Variants in CDAN1 observed in about 807,000 individuals in gnomAD.
The protein encoded by CDAN1 is codanin 1.
Under a neutral mutation model 139.8 loss-of-function variants are expected in CDAN1, and 107 were observed. The ratio of observed to expected loss-of-function variants is 0.77; its 90% CI spans 0.65 to 0.90. CDAN1 has a LOEUF of 0.90. Ranked by LOEUF, CDAN1 falls within the 40% of genes least tolerant of loss-of-function variation. The pLI is 0.00. For missense variants in CDAN1, 1,667 were observed against 1,575.7 expected, an observed-to-expected ratio of 1.06 and a Z score of -0.98; for synonymous variants, 776 against 660.6, an observed-to-expected ratio of 1.17 and a Z score of -2.68.
At chr15:42,735,439 G>C in intron 4 of CDAN1, 65 bp from the exon 5 acceptor site, 1 of 1,599,506 alleles carries the variant, frequency 6.3e-7, no homozygotes, top group East Asian at 2.3e-5. Context: ...TCAGTTCCAA[G>C]TGCCTTACCA....
chr15:42,731,207 G>A lies in CDAN1; in HGVS notation c.1860+4C>T, dbSNP rs200858118. The stretch of plus-strand genomic sequence containing the variant: ...CCATTATTTCCCTTGTTCTGTTTTC[G>A]GACCTGCCAGTCTACGTCTGACTCC... On this transcript the variant is annotated splice_donor_region_variant and intron_variant, in intron 12 of 27. Transcript: ENST00000356231. The A allele has an allele frequency of 1.9e-4, 314 of 1,613,990 alleles. No homozygotes were observed. The highest frequency in any genetic ancestry group is 4.1e-4 in the South Asian group (37 of 91,088).
At chr15:42,736,814 G>T in intron 1 of CDAN1, 34 bp from the exon 2 acceptor site, 1 of 1,490,364 alleles carries the variant, frequency 6.7e-7, no homozygotes. Flanking sequence ...GGGCGAGAGG[G>T]TCAGCCGCCG....
Position 42,727,879 on chromosome 15 carries a change from C to T in CDAN1, c.2947+76G>A, listed in dbSNP as rs1420338065. 4 of 1,599,526 alleles carry T rather than the reference C, an allele frequency of 2.5e-6. No homozygotes were observed. The East Asian group carries it at 6.7e-5, about 27-fold the overall frequency. On this transcript the variant is annotated intron_variant, in intron 22 of 27. Transcript: ENST00000356231. ...CCTACTGGCTCTCAGTCCCATCGCC[C>T]ACAAGATGCCTCTGACTCTCTGCCA...
chr15:42,730,881 G>C, intron 13 of CDAN1, 44 bp downstream of exon 13: 2 of 1,613,880 alleles, frequency 1.2e-6, no homozygotes, highest in South Asian at 2.2e-5. Flanking sequence ...GTGCCTGGCC[G>C]GTCCTCCCTG....
intron 23 of CDAN1, chr15:42,727,123 AAG>A (rs1409944167): frequency 6.4e-6 from 1 of 155,396 alleles, no homozygotes; most frequent in Non-Finnish European, 1.4e-5. Flanking sequence ...CTCACAAAAC[AAG>A]GGGCTGGCTC....
Position 42,724,581 on chromosome 15 carries a change from CAGATT to C in CDAN1, c.3589_3593del (p.Asn1197ValfsTer16). The C allele has an allele frequency of 6.4e-7, 1 of 1,552,456 alleles. No individual in the cohort carries two copies. The highest frequency in any genetic ancestry group is 2.0e-5 in the Admixed American group (1 of 51,074). On this transcript the variant is annotated frameshift_variant, in exon 28 of 28. Coordinates refer to ENST00000356231, the MANE Select transcript of CDAN1 (RefSeq NM_138477.4). LOFTEE classifies it high-confidence loss of function. The stretch of plus-strand genomic sequence containing the variant: ...CTGGCAGGTGGGGCTCGGCTAGAAA[CAGATT>C]AGACAGTGTTGCTAATTCTTCAGCA...
At position 42,736,710 on chromosome 15, in the gene CDAN1, A is replaced by C; in HGVS notation, c.161T>G (p.Leu54Trp). 1 of 1,560,080 alleles carries C rather than the reference A, an allele frequency of 6.4e-7. No homozygotes were observed. The highest frequency in any genetic ancestry group is 8.6e-7 in the Non-Finnish European group (1 of 1,156,672). The change falls in exon 2 of 28, where the codon TTG becomes TGG. Residue 54 changes from leucine to tryptophan, a missense_variant. Coordinates refer to ENST00000356231, the MANE Select transcript of CDAN1 (RefSeq NM_138477.4). Reference sequence around the variant, plus strand: ...GCTGCTCTGCTCCCTCAGGAAGTTCAACAGGAACGGTACGAATTCTTTCCG... The same window carrying C: ...GCTGCTCTGCTCCCTCAGGAAGTTCCACAGGAACGGTACGAATTCTTTCCG... ...ALRKEFVPFL[L>W]NFLREQSSRV...
chr15:42,737,095 G>C lies in CDAN1; in HGVS notation c.8C>G (p.Ala3Gly). ...TTCTCGCAGCAGCGACTCCAAAACG[G>C]CCGCCATCCCGGTCGGGGCGCTCTG... MA[A>G]VLESLLREEV... Residue 3 changes from alanine (A) to glycine (G), a missense_variant, in exon 1 of 28, where the codon GCC becomes GGC. Coordinates refer to ENST00000356231, the MANE Select transcript of CDAN1 (RefSeq NM_138477.4). 6.6e-7 allele frequency: 1 copy of C among 1,514,462 alleles called. No individual in the cohort carries two copies. The highest frequency in any genetic ancestry group is 8.9e-7 in the Non-Finnish European group (1 of 1,129,462). The allele number at this position is 1,514,462 out of a possible 1,614,324, so 93.8% of individuals were successfully genotyped here. A position where few individuals can be genotyped will look rare whatever the true frequency, so the allele number is the denominator to read the frequency against.
At position 42,728,592 on chromosome 15, in the gene CDAN1, GGAAA is replaced by G. The variant is rs2061564123; in HGVS notation, c.2804+56_2804+59del. On this transcript the variant is annotated intron_variant, in intron 20 of 27. Coordinates refer to ENST00000356231, the MANE Select transcript of CDAN1 (RefSeq NM_138477.4). ...GGGAAAAAAGAGTAAGTGTGAAGGA[GGAAA>G]GAAAGGACAGAGAAAGCCAAGAGGA... 3.1e-6 allele frequency: 5 copies of G among 1,601,506 alleles called. No individual in the cohort carries two copies. The East Asian group carries it at 6.7e-5, about 21-fold the overall frequency.
intron 20 of CDAN1, 135 bp downstream of exon 20, chr15:42,728,517 A>C (rs1257143021): frequency 7.6e-7 from 1 of 1,311,708 alleles, no homozygotes; most frequent in African/African-American, 1.5e-5. Flanking sequence ...TGCAGGGCTT[A>C]TAGAGAATGG....
At chr15:42,735,461 C>T in intron 4 of CDAN1, 49 bp downstream of exon 4, 2 of 1,609,030 alleles carry the variant, frequency 1.2e-6, no homozygotes, top group African/African-American at 1.3e-5. Flanking sequence ...TTCTCTTACC[C>T]ATAAGTTCTA....
At position 42,730,704 on chromosome 15, in the gene CDAN1, C is replaced by G. The variant is rs1483913461; in HGVS notation, c.2068G>C (p.Val690Leu). 1 of 1,613,566 alleles carries G rather than the reference C, an allele frequency of 6.2e-7. No individual in the cohort carries two copies. The highest frequency in any genetic ancestry group is 8.5e-7 in the Non-Finnish European group (1 of 1,179,826). ...TCCACCAGCCAGGGCACGGTGAGCA[C>G]CGCCCGGCGGGCCTGCAGCCCTCGC... ...LQRGLQARRA[V>L]LTVPWLVEFL... Residue 690 changes from valine (V) to leucine (L), a missense_variant, in exon 14 of 28, where the codon GTG becomes CTG. Physicochemically the swap from Val to Leu is conservative, Grantham distance 32. This residue lies in a region of CDAN1 where 936 missense variants were observed against 844.1 expected (regional missense o/e 1.11). Coordinates refer to ENST00000356231, the MANE Select transcript of CDAN1 (RefSeq NM_138477.4).
chr15:42,726,295 G>A lies in CDAN1; in HGVS notation c.3204+15C>T, dbSNP rs775092615. ...CACAGAAAAAAGCCCCCCGGTGGCA[G>A]ATGCCACAGCTCACCTGGCGGCACC... is the stretch of plus-strand genomic sequence containing the variant. On this transcript the variant is annotated intron_variant, in intron 24 of 27. Coordinates refer to ENST00000356231, the MANE Select transcript of CDAN1 (RefSeq NM_138477.4). 2.5e-6 allele frequency: 4 copies of A among 1,587,216 alleles called. No individual in the cohort carries two copies. The South Asian group carries it at 3.4e-5, about 14-fold the overall frequency.
intron 23 of CDAN1, chr15:42,727,111 C>T (rs1310540215): frequency 6.4e-6 from 1 of 155,412 alleles, no homozygotes; most frequent in African/African-American, 2.4e-5. Context: ...ACTAAAACTT[C>T]ACTCACAAAA....
At chr15:42,725,334 G>T in intron 26 of CDAN1, 83 bp from the exon 27 acceptor site, 2 of 1,492,638 alleles carry the variant, frequency 1.3e-6, no homozygotes, top group Non-Finnish European at 1.9e-6. Context: ...AAAGGGCAGA[G>T]CTGCTGGGAA....
At chr15:42,734,871 G>A (rs899946370) in intron 6 of CDAN1, among the ~76,000 whole-genome samples, 1 of 148,624 alleles carries the variant, frequency 6.7e-6, no homozygotes, top group African/African-American at 2.5e-5. Context: ...GTCCTGCCTC[G>A]GCCTCTCAAA....
At chr15:42,734,609 CTTT>C (rs1209828197) in intron 6 of CDAN1, among the ~76,000 whole-genome samples, 1 of 151,974 alleles carries the variant, frequency 6.6e-6, no homozygotes, top group Non-Finnish European at 1.5e-5. Context: ...GGGTCCATTT[CTTT>C]TTCTTTTTTT....
At position 42,730,242 on chromosome 15, in the gene CDAN1, G is replaced by C. The variant is rs755048387; in HGVS notation, c.2175-27C>G. 2.5e-6 allele frequency: 4 copies of C among 1,600,614 alleles called. No homozygotes were observed. The South Asian group carries it at 3.3e-5, about 13-fold the overall frequency. On this transcript the variant is annotated intron_variant, in intron 14 of 27. Coordinates refer to ENST00000356231, the MANE Select transcript of CDAN1 (RefSeq NM_138477.4). ...TGAAACATCAATGGGCAGTACACGG[G>C]TTTGAGCAGAAAGGGGAAGGGAATG... is the stretch of plus-strand genomic sequence containing the variant.
At chr15:42,729,399 C>A (rs762264880) in intron 17 of CDAN1, 37 bp from the exon 18 acceptor site, 1 of 1,613,494 alleles carries the variant, frequency 6.2e-7, no homozygotes, top group Non-Finnish European at 8.5e-7. Flanking sequence ...GTTCCAGAAC[C>A]CTCTCCCCTC....
Sources: gnomAD v4.1 joint callset for allele counts (sites outside exome capture counted in the v4.1 genomes callset) on GRCh38, gnomAD v4.1.1 for gene constraint, gnomAD v4.1.1 regional missense constraint, MANE v1.5 for transcripts, NCBI Gene and HGNC (gene_info 2026-07-23, HGNC 2026-07-21) for gene names.